PLAAT5: variants seen among roughly 807,000 people sequenced by gnomAD.
PLAAT5 encodes the protein Ca(2+)-independent N-acyltransferase.
In PLAAT5, 27 loss-of-function variants were observed where a neutral mutation model predicts 27.8. The observed-to-expected ratio is 0.97, with a 90% CI of 0.72 to 1.34. PLAAT5 has a LOEUF of 1.34. Ranked by LOEUF, PLAAT5 falls within the 40% of genes most tolerant of loss-of-function variation. The pLI is 0.00. For synonymous variants in PLAAT5, 125 were observed against 136.1 expected (o/e 0.92, Z 0.57); for missense variants, 368 against 343.8 (o/e 1.07, Z -0.56).
At chr11:63,466,606 T>C (rs2015873511) in intron 4 of PLAAT5, among the ~76,000 whole-genome samples, 1 of 152,090 alleles carries the variant, frequency 6.6e-6, no homozygotes, top group Non-Finnish European at 1.5e-5. Context: ...TCTTTCTCAT[T>C]AAACTCTTGG....
At chr11:63,476,924 G>C (rs1208600799) in intron 3 of PLAAT5, among the ~76,000 whole-genome samples, 1 of 151,744 alleles carries the variant, frequency 6.6e-6, no homozygotes, top group Non-Finnish European at 1.5e-5. Flanking sequence ...ATCCATCTTT[G>C]AGTTTGCTGA....
At chr11:63,477,499 A>G (rs1188966401) in intron 3 of PLAAT5, among the ~76,000 whole-genome samples, 1 of 151,942 alleles carries the variant, frequency 6.6e-6, no homozygotes, top group Non-Finnish European at 1.5e-5. Flanking sequence ...TTTTTGAGAC[A>G]GAGTCTCGCC....
At chr11:63,489,038 T>C in intron 2 of PLAAT5, 62 bp from the exon 3 acceptor site, 1 of 1,171,622 alleles carries the variant, frequency 8.5e-7, no homozygotes, top group Non-Finnish European at 1.3e-6. Context: ...TTGGAAAATC[T>C]GTATTACAGA....
chr11:63,471,575 C>T lies in PLAAT5; in HGVS notation c.346-3110G>A, dbSNP rs946447012. Among the ~76,000 whole-genome samples, 5 of 151,986 alleles carry T rather than the reference C, an allele frequency of 3.3e-5. No homozygotes were observed. The South Asian group carries it at 6.2e-4, about 19-fold the overall frequency. On this transcript the variant is annotated intron_variant, in intron 3 of 5. Coordinates refer to ENST00000540857, the MANE Select transcript of PLAAT5 (RefSeq NM_001146729.2). ...AAGACATTGAAATAAATGTAAGGTG[C>T]GCAATGAAAATCTAAGTGGAGAGGC... is the stretch of plus-strand genomic sequence containing the variant.
intron 3 of PLAAT5, among the ~76,000 whole-genome samples, chr11:63,486,079 T>C (rs970198986): frequency 6.6e-6 from 1 of 152,090 alleles, no homozygotes; most frequent in Admixed American, 6.5e-5. Flanking sequence ...CACGATGCAA[T>C]AATACCACCT....
At position 63,489,024 on chromosome 11, in the gene PLAAT5, A is replaced by G. The variant is rs751148185; in HGVS notation, c.240-48T>C. 4 of 1,297,440 alleles carry G rather than the reference A, an allele frequency of 3.1e-6. No individual in the cohort carries two copies. The South Asian group carries it at 4.9e-5, about 16-fold the overall frequency. The allele number at this position is 1,297,440 out of a possible 1,614,324, so 80.4% of individuals were successfully genotyped here. A position where few individuals can be genotyped will look rare whatever the true frequency, so the allele number is the denominator to read the frequency against. ...AGTTAACAAATATCACTATTTCATA[A>G]TTATTGGAAAATCTGTATTACAGAT... On this transcript the variant is annotated intron_variant, in intron 2 of 5. Transcript: ENST00000540857.
intron 5 of PLAAT5, among the ~76,000 whole-genome samples, chr11:63,465,270 C>T (rs2015828568): frequency 6.6e-6 from 1 of 151,804 alleles, no homozygotes; most frequent in Admixed American, 6.5e-5. Context: ...CAGAGCAAAA[C>T]TCTGTCTCAA....
chr11:63,467,704 CA>C (rs1199852882), intron 4 of PLAAT5, among the ~76,000 whole-genome samples: 1 of 152,176 alleles, frequency 6.6e-6, no homozygotes, highest in Non-Finnish European at 1.5e-5. Flanking sequence ...CTGTGACCAG[CA>C]GTTCTAGATA....
chr11:63,476,859 G>C (rs1270241622), intron 3 of PLAAT5, among the ~76,000 whole-genome samples: 1 of 152,082 alleles, frequency 6.6e-6, no homozygotes, highest in Non-Finnish European at 1.5e-5. Context: ...CTGAGGCTCT[G>C]TTCATTTTTC....
chr11:63,474,169 C>CT, intron 3 of PLAAT5, among the ~76,000 whole-genome samples: 1 of 152,108 alleles, frequency 6.6e-6, no homozygotes, highest in Non-Finnish European at 1.5e-5. Flanking sequence ...TTGTAGCTTC[C>CT]TTTTTTTGAG....
intron 3 of PLAAT5, among the ~76,000 whole-genome samples, chr11:63,474,849 T>C (rs1424648623): frequency 1.3e-5 from 2 of 152,076 alleles, no homozygotes; most frequent in Admixed American, 6.6e-5. Flanking sequence ...AAAATTGATA[T>C]GTTCTGTGTT....
intron 3 of PLAAT5, among the ~76,000 whole-genome samples, chr11:63,475,022 T>C (rs1263834015): frequency 6.6e-6 from 1 of 152,158 alleles, no homozygotes; most frequent in East Asian, 1.9e-4. Context: ...TAAAATATTT[T>C]GCAGGATTTC....
intron 5 of PLAAT5, 81 bp from the exon 6 acceptor site, chr11:63,463,676 A>G: frequency 9.5e-7 from 1 of 1,049,502 alleles, no homozygotes; most frequent in Non-Finnish European, 1.5e-6. Flanking sequence ...CACCATACCC[A>G]TTCAGCAACC....
chr11:63,475,311 A>G (rs1373487093), intron 3 of PLAAT5, among the ~76,000 whole-genome samples: 3 of 152,004 alleles, frequency 2.0e-5, no homozygotes, highest in Non-Finnish European at 4.4e-5. Context: ...TTTTTGCTTC[A>G]TACTTTTTGG....
chr11:63,468,537 A>G (rs2015926917), intron 3 of PLAAT5, 72 bp from the exon 4 acceptor site: 17 of 1,131,654 alleles, frequency 1.5e-5, no homozygotes, highest in South Asian at 2.7e-5. Flanking sequence ...AGGATCAGGG[A>G]CAGCTCAGCC....
chr11:63,476,555 G>T (rs2016155763), intron 3 of PLAAT5, among the ~76,000 whole-genome samples: 1 of 152,006 alleles, frequency 6.6e-6, no homozygotes, highest in Non-Finnish European at 1.5e-5. Flanking sequence ...GGTCTCCATT[G>T]TTTCTGATGA....
chr11:63,473,013 G>A (rs1368079623), intron 3 of PLAAT5, among the ~76,000 whole-genome samples: 1 of 152,102 alleles, frequency 6.6e-6, no homozygotes, highest in East Asian at 1.9e-4. Context: ...GGGAGGCTGA[G>A]GCACGAGAAT....
At chr11:63,490,679 T>C in intron 1 of PLAAT5, 3 of 622,286 alleles carry the variant, frequency 4.8e-6, no homozygotes, top group Middle Eastern at 4.3e-4. Context: ...CTCACTTCCA[T>C]ATGAGATATA....
At chr11:63,488,708 CAGTGTT>C (rs976914080) in intron 3 of PLAAT5, among the ~76,000 whole-genome samples, 157 bp downstream of exon 3, 14 of 150,688 alleles carry the variant, frequency 9.3e-5, no homozygotes, top group Admixed American at 9.3e-4. Context: ...CAGCTATCGT[CAGTGTT>C]AGTGTATTTT....
Sources: gnomAD v4.1 joint callset for allele counts (sites outside exome capture counted in the v4.1 genomes callset) on GRCh38, gnomAD v4.1.1 for gene constraint, MANE v1.5 for transcripts, NCBI Gene and HGNC (gene_info 2026-07-23, HGNC 2026-07-21) for gene names.